SLCO4C1: variants seen among roughly 807,000 people sequenced by gnomAD.
SLCO4C1 encodes organic anion transporter M1.
A neutral mutation model predicts 72.1 loss-of-function variants in SLCO4C1; 58 were observed. That is an observed-to-expected ratio of 0.80 (90% confidence interval 0.65 to 1.00). SLCO4C1 has a LOEUF of 1.00. SLCO4C1 is among the 50% of genes least tolerant of loss of function. The probability of loss-of-function intolerance (pLI) is 0.00; values close to 1 mark genes in which losing one functional copy is unlikely to be tolerated. For synonymous variants in SLCO4C1, 297 were observed against 312.5 expected (o/e 0.95, Z 0.52); for missense variants, 898 against 857.9 (o/e 1.05, Z -0.58).
intron 2 of SLCO4C1, among the ~76,000 whole-genome samples, chr5:102,277,376 C>A (rs1561378368): frequency 6.6e-6 from 1 of 152,034 alleles, no homozygotes; most frequent in Non-Finnish European, 1.5e-5. Flanking sequence ...CCAGTGAAAT[C>A]TACACTGGTA....
intron 4 of SLCO4C1, among the ~76,000 whole-genome samples, chr5:102,263,427 T>C (rs1748977676): frequency 6.6e-6 from 1 of 152,122 alleles, no homozygotes; most frequent in Non-Finnish European, 1.5e-5. Context: ...ATACTTATTT[T>C]TAAAAATTTC....
chr5:102,248,920 C>T (rs546282327), intron 9 of SLCO4C1, among the ~76,000 whole-genome samples: 1 of 152,058 alleles, frequency 6.6e-6, no homozygotes, highest in East Asian at 1.9e-4. Context: ...TTTAACTGTA[C>T]AGAAAAGAAA....
At chr5:102,273,060 C>T (rs1749183098) in intron 2 of SLCO4C1, among the ~76,000 whole-genome samples, 1 of 151,402 alleles carries the variant, frequency 6.6e-6, no homozygotes, top group Non-Finnish European at 1.5e-5. Flanking sequence ...CATAAAAGAA[C>T]AAAACTATCA....
intron 2 of SLCO4C1, among the ~76,000 whole-genome samples, chr5:102,288,651 C>T (rs1580269001): frequency 2.0e-5 from 3 of 152,288 alleles, no homozygotes; most frequent in Admixed American, 2.0e-4. Context: ...CTCTCCAAAA[C>T]AGCCTCCCTT....
intron 2 of SLCO4C1, among the ~76,000 whole-genome samples, chr5:102,279,604 A>G (rs1031787166): frequency 5.3e-5 from 8 of 152,024 alleles, no homozygotes; most frequent in Non-Finnish European, 8.8e-5. Context: ...TACAAAGCCA[A>G]ATAGAGACAG....
rs534285911 is a variant in SLCO4C1, at chr5:102,273,675, T to C, written c.620-2869A>G. ...TTTAAACCTATTAAATCTCATAAAATGAACTTGCCCTGAAAAACACTACTA... is the reference window on the plus strand; with the variant it reads ...TTTAAACCTATTAAATCTCATAAAACGAACTTGCCCTGAAAAACACTACTA... On this transcript the variant is annotated intron_variant, in intron 2 of 12. Coordinates refer to ENST00000310954, the MANE Select transcript of SLCO4C1 (RefSeq NM_180991.5). Among the ~76,000 whole-genome samples the C allele has an allele frequency of 2.6e-5, 4 of 152,300 alleles. No individual in the cohort carries two copies. The South Asian group carries it at 8.3e-4, about 32-fold the overall frequency.
At chr5:102,272,000 T>A (rs933944661) in intron 2 of SLCO4C1, among the ~76,000 whole-genome samples, 3 of 152,082 alleles carry the variant, frequency 2.0e-5, no homozygotes, top group Non-Finnish European at 4.4e-5. Flanking sequence ...AATAAGCCAA[T>A]TAGATCAGCT....
intron 2 of SLCO4C1, among the ~76,000 whole-genome samples, chr5:102,280,090 CAAAAAAAAA>C (rs36217271): frequency 0.094 from 6,478 of 69,136 alleles, 177 homozygotes; most frequent in African/African-American, 0.22. Context: ...TGCAATAAGG[CAAAAAAAAA>C]AAAAAAAAAA....
intron 10 of SLCO4C1, among the ~76,000 whole-genome samples, chr5:102,245,513 A>C (rs1382553626): frequency 6.6e-6 from 1 of 152,196 alleles, no homozygotes; most frequent in Non-Finnish European, 1.5e-5. Context: ...ATATATATGT[A>C]GCCAACACTG....
intron 4 of SLCO4C1, 136 bp downstream of exon 4, chr5:102,263,548 C>T (rs985773565): frequency 1.6e-6 from 1 of 613,560 alleles, no homozygotes; most frequent in Non-Finnish European, 2.7e-6. Flanking sequence ...TATAAGAATT[C>T]TTTGTATTCA....
chr5:102,242,460 G>A (rs1025787694), intron 10 of SLCO4C1, among the ~76,000 whole-genome samples: 6 of 152,162 alleles, frequency 3.9e-5, no homozygotes, highest in African/African-American at 1.4e-4. Flanking sequence ...GAGGAGAAGA[G>A]AGGGAAGAGT....
At chr5:102,255,511 T>C (rs1748817740) in intron 8 of SLCO4C1, among the ~76,000 whole-genome samples, 1 of 152,174 alleles carries the variant, frequency 6.6e-6, no homozygotes, top group East Asian at 1.9e-4. Flanking sequence ...TACCTACCTT[T>C]CAACATTCCA....
At chr5:102,245,515 C>G (rs1160525167) in intron 10 of SLCO4C1, among the ~76,000 whole-genome samples, 1 of 151,976 alleles carries the variant, frequency 6.6e-6, no homozygotes, top group African/African-American at 2.4e-5. Context: ...ATATATGTAG[C>G]CAACACTGAA....
chr5:102,244,652 G>T (rs1211115878), intron 10 of SLCO4C1, among the ~76,000 whole-genome samples: 1 of 151,984 alleles, frequency 6.6e-6, no homozygotes, highest in East Asian at 1.9e-4. Context: ...CAAGAGAAAA[G>T]AAACAAATAA....
intron 6 of SLCO4C1, among the ~76,000 whole-genome samples, chr5:102,259,722 A>T (rs1470824436): frequency 6.6e-6 from 1 of 152,192 alleles, no homozygotes; most frequent in East Asian, 1.9e-4. Flanking sequence ...CTTTCACAAA[A>T]GAAAAATATT....
intron 10 of SLCO4C1, among the ~76,000 whole-genome samples, chr5:102,246,292 G>A (rs1748635550): frequency 6.6e-6 from 1 of 151,962 alleles, no homozygotes. Context: ...AAGATGCAAA[G>A]TAATAAAATC....
intron 12 of SLCO4C1, 122 bp downstream of exon 12, chr5:102,239,129 G>C (rs1476847275): frequency 3.7e-6 from 3 of 810,758 alleles, no homozygotes; most frequent in Non-Finnish European, 5.4e-6. Flanking sequence ...AAGACTACTG[G>C]ATGGTTCAAC....
intron 3 of SLCO4C1, among the ~76,000 whole-genome samples, chr5:102,266,447 C>T (rs1312477965): frequency 2.0e-5 from 3 of 152,012 alleles, no homozygotes; most frequent in Non-Finnish European, 2.9e-5. Flanking sequence ...GTCAGGAGTT[C>T]GAGACCAGTA....
chr5:102,249,656 A>G lies in SLCO4C1; in HGVS notation c.1602T>C (p.Val534=). The G allele has an allele frequency of 6.2e-7, 1 of 1,613,808 alleles. No individual in the cohort carries two copies. The highest frequency in any genetic ancestry group is 8.5e-7 in the Non-Finnish European group (1 of 1,179,904). ...AAGCTACCTTTGGCTTCCTGTGTGC[A>G]ACTGGGTTTGAACAGCCTGCAAAGC... ...SPCFAGCSNP[V]AHRKPKVYYN... is the part of the protein sequence containing the mutation. The change falls in exon 9 of 13, where the codon GTT becomes GTC. Residue 534 remains valine (V), a synonymous_variant. Coordinates refer to ENST00000310954, the MANE Select transcript of SLCO4C1 (RefSeq NM_180991.5).
Sources: allele counts gnomAD v4.1 joint callset (sites outside exome capture counted in the v4.1 genomes callset), GRCh38; gene constraint gnomAD v4.1.1; transcripts MANE v1.5; gene names NCBI Gene and HGNC (gene_info 2026-07-23, HGNC 2026-07-21).